Variants in SUGP1 observed in about 807,000 individuals in gnomAD.
SUGP1 encodes SURP and G-patch domain-containing protein 1.
Under a neutral mutation model 76.5 loss-of-function variants are expected in SUGP1, and 34 were observed. The observed-to-expected ratio is 0.44, with a 90% CI of 0.34 to 0.59. The LOEUF (loss-of-function observed/expected upper bound fraction) is 0.59, where lower values mean the gene tolerates loss of function less well. SUGP1 is among the 20% of genes least tolerant of loss of function. SUGP1 has a pLI of 0.01. For synonymous variants in SUGP1, 326 were observed against 326.2 expected, an observed-to-expected ratio of 1.00 and a Z score of 0.01; for missense variants, 752 against 851.7, an observed-to-expected ratio of 0.88 and a Z score of 1.46.
intron 2 of SUGP1, among the ~76,000 whole-genome samples, chr19:19,314,313 A>G (rs1395092520): frequency 6.6e-6 from 1 of 151,732 alleles, no homozygotes; most frequent in Admixed American, 6.6e-5. Context: ...ACAGAGCAAG[A>G]CTCGTCTCAA....
chr19:19,288,835 G>C, intron 8 of SUGP1, among the ~76,000 whole-genome samples: 1 of 152,006 alleles, frequency 6.6e-6, no homozygotes, highest in East Asian at 1.9e-4. Context: ...ACCTGGGCTG[G>C]AGTGCAGTGG....
chr19:19,305,632 A>T, intron 4 of SUGP1: 1 of 469,536 alleles, frequency 2.1e-6, no homozygotes, highest in Non-Finnish European at 3.8e-6. Context: ...CCCAAGATGA[A>T]GCCCACGCGC....
chr19:19,278,954 T>A (rs917272816), intron 10 of SUGP1, among the ~76,000 whole-genome samples, 158 bp from the exon 11 acceptor site: 1 of 152,060 alleles, frequency 6.6e-6, no homozygotes, highest in Non-Finnish European at 1.5e-5. Context: ...CTCTGCCTGG[T>A]GAGGCAGCCC....
intron 9 of SUGP1, 95 bp downstream of exon 9, chr19:19,280,064 CCACCTGAACACAGGAGCTTGGCGAAG>C (rs931059101): frequency 2.1e-6 from 2 of 974,272 alleles, no homozygotes; most frequent in African/African-American, 3.2e-5. Flanking sequence ...GCCATGGGTT[CCACCTGAACACAGGAGCTTGGCGAAG>C]CACATGAACC....
chr19:19,289,608 T>A (rs1304456035), intron 8 of SUGP1, among the ~76,000 whole-genome samples: 1 of 151,312 alleles, frequency 6.6e-6, no homozygotes, highest in East Asian at 1.9e-4. Flanking sequence ...ATTAGCAGGG[T>A]GTGGTTGCAG....
At position 19,278,753 on chromosome 19, in the gene SUGP1, G is replaced by A. The variant is rs761330265; in HGVS notation, c.1572C>T (p.Phe524=). The A allele has an allele frequency of 6.2e-7, 1 of 1,614,088 alleles. No individual in the cohort carries two copies. The highest frequency in any genetic ancestry group is 8.5e-7 in the Non-Finnish European group (1 of 1,179,984). The change falls in exon 11 of 14, where the codon TTC becomes TTT. Residue 524 remains phenylalanine (F), a synonymous_variant. Transcript: ENST00000247001. Reference sequence around the variant, plus strand: ...CGTCTGGAGGCAGGAAGTCTCCGATGAAGTGCTTGCCCCGGCCCATCTTTG... The same window carrying A: ...CGTCTGGAGGCAGGAAGTCTCCGATAAAGTGCTTGCCCCGGCCCATCTTTG... ...QLTKMGRGKH[F]IGDFLPPDEL...
chr19:19,282,194 G>A (rs1239244516), intron 8 of SUGP1, among the ~76,000 whole-genome samples: 2 of 152,072 alleles, frequency 1.3e-5, no homozygotes, highest in African/African-American at 4.8e-5. Flanking sequence ...TAGTCAGGCT[G>A]GTCTTGAACT....
At chr19:19,280,787 A>AG (rs2061092675) in intron 8 of SUGP1, 2 of 153,396 alleles carry the variant, frequency 1.3e-5, no homozygotes, top group East Asian at 3.8e-4. Flanking sequence ...CCTTCAGGGG[A>AG]GGCAGCCAAC....
Position 19,277,029 on chromosome 19 carries a change from G to T in SUGP1, c.1829C>A (p.Ala610Glu). The T allele has an allele frequency of 6.2e-7, 1 of 1,611,946 alleles. No individual in the cohort carries two copies. Among genetic ancestry groups the T allele is most frequent in the African/African-American group, 1.3e-5 (1 of 75,012 alleles). Reference protein sequence around the residue: ...DGAGFGIDRPAELSKEDDEYE... With the variant: ...DGAGFGIDRPEELSKEDDEYE... Reference sequence around the variant, plus strand: ...CTCGTCGTCCTCCTTGGAGAGCTCCGCCGGCCGGTCAATGCCGAAGCCAGC... The same window carrying T: ...CTCGTCGTCCTCCTTGGAGAGCTCCTCCGGCCGGTCAATGCCGAAGCCAGC... The change falls in exon 13 of 14, where the codon GCG becomes GAG. Residue 610 changes from alanine to glutamate, a missense_variant. Physicochemically the swap from Ala to Glu is moderately radical, Grantham distance 107 (BLOSUM62 -1). Coordinates refer to ENST00000247001, the MANE Select transcript of SUGP1 (RefSeq NM_172231.4).
At chr19:19,302,217 G>A (rs1217862038) in intron 7 of SUGP1, 48 bp downstream of exon 7, 1 of 1,609,568 alleles carries the variant, frequency 6.2e-7, no homozygotes, top group African/African-American at 1.3e-5. Context: ...CCCTGCAGGG[G>A]GACTGTGGCC....
At position 19,314,323 on chromosome 19, in the gene SUGP1, AAAAT is replaced by A. The variant is rs201351491; in HGVS notation, c.206+2095_206+2098del. Reference sequence around the variant, plus strand: ...GTGTGACAGAGCAAGACTCGTCTCAAAAATAAATAAATTAATTAATTAAATAAAA... The same window carrying A: ...GTGTGACAGAGCAAGACTCGTCTCAAAAATAAATTAATTAATTAAATAAAA... On this transcript the variant is annotated intron_variant, in intron 2 of 13. Coordinates refer to ENST00000247001, the MANE Select transcript of SUGP1 (RefSeq NM_172231.4). 1.3e-4 allele frequency among the ~76,000 whole-genome samples: 20 copies of A among 151,828 alleles called. No individual in the cohort carries two copies. In the East Asian group the frequency reaches 3.9e-3, roughly 29 times the overall value.
rs922806185 is a variant in SUGP1, at chr19:19,297,005, A to G, written c.1227T>C (p.Ser409=). 3.8e-6 allele frequency: 6 copies of G among 1,582,288 alleles called. No individual in the cohort carries two copies. In the African/African-American group the frequency reaches 8.1e-5, roughly 21 times the overall value. ...TCTGCCCACCTGACAGAGGCGAGGG[A>G]GAGGCATCCACGTCCCTCTGCACCA... ...AELVQRDVDA[S]PSPLSVQDLK... is the part of the protein sequence containing the mutation. The change falls in exon 8 of 14, where the codon TCT becomes TCC. Residue 409 remains serine, a synonymous_variant. Transcript: ENST00000247001.
At position 19,279,355 on chromosome 19, in the gene SUGP1, C is replaced by T. The variant is rs776276943; in HGVS notation, c.1386G>A (p.Lys462=). The change falls in exon 10 of 14, where the codon AAG becomes AAA. Residue 462 remains lysine (K), a synonymous_variant. Coordinates refer to ENST00000247001, the MANE Select transcript of SUGP1 (RefSeq NM_172231.4). ...QQMYDMIMQH[K]RAMQDMQLLW... Reference sequence around the variant, plus strand: ...GCAGCTGCATGTCCTGCATGGCCCGCTTGTGCTGCATGATCATGTCGTACA... The same window carrying T: ...GCAGCTGCATGTCCTGCATGGCCCGTTTGTGCTGCATGATCATGTCGTACA... 6.2e-7 allele frequency: 1 copy of T among 1,609,678 alleles called. No homozygotes were observed. The highest frequency in any genetic ancestry group is 1.1e-5 in the South Asian group (1 of 90,788).
intron 8 of SUGP1, among the ~76,000 whole-genome samples, chr19:19,288,848 C>T (rs369247406): frequency 1.1e-4 from 16 of 152,106 alleles, no homozygotes; most frequent in South Asian, 4.1e-4. Context: ...TGCAGTGGCG[C>T]GATCTCAGCT....
chr19:19,294,506 G>C (rs1299294175), intron 8 of SUGP1, among the ~76,000 whole-genome samples: 1 of 90,858 alleles, frequency 1.1e-5, no homozygotes, highest in African/African-American at 5.7e-5. Context: ...GACAGAGTGA[G>C]ACTCAAAAAA....
At chr19:19,282,544 G>A (rs2061106559) in intron 8 of SUGP1, among the ~76,000 whole-genome samples, 2 of 151,734 alleles carry the variant, frequency 1.3e-5, no homozygotes, top group African/African-American at 4.8e-5. Flanking sequence ...ATTAGGCGCC[G>A]TTACCAATGT....
At position 19,277,097 on chromosome 19, in the gene SUGP1, G is replaced by A. The variant is rs373855507; in HGVS notation, c.1782-21C>T. On this transcript the variant is annotated intron_variant, in intron 12 of 13. Coordinates refer to ENST00000247001, the MANE Select transcript of SUGP1 (RefSeq NM_172231.4). Reference sequence around the variant, plus strand: ...TGCCCCTACAGGGAGAAGAGGATGTGAGCAGGGACCTGGGGCCAGAACTCT... The same window carrying A: ...TGCCCCTACAGGGAGAAGAGGATGTAAGCAGGGACCTGGGGCCAGAACTCT... 6.9e-6 allele frequency: 11 copies of A among 1,601,090 alleles called. No homozygotes were observed. In the African/African-American group the frequency reaches 1.3e-4, roughly 19 times the overall value.
At chr19:19,307,615 T>C (rs1193512219) in intron 3 of SUGP1, among the ~76,000 whole-genome samples, 2 of 152,034 alleles carry the variant, frequency 1.3e-5, no homozygotes, top group Non-Finnish European at 2.9e-5. Context: ...AGTTACTTCC[T>C]GTAAGAAAGG....
At position 19,306,051 on chromosome 19, in the gene SUGP1, G is replaced by T. The variant is rs957535018; in HGVS notation, c.336C>A (p.Ala112=). 22 of 1,606,138 alleles carry T rather than the reference G, an allele frequency of 1.4e-5. No homozygotes were observed. Among genetic ancestry groups the T allele is most frequent in the Non-Finnish European group, 1.8e-5 (21 of 1,176,422 alleles). Residue 112 remains alanine (A), a synonymous_variant, in exon 4 of 14, where the codon GCC becomes GCA. Coordinates refer to ENST00000247001, the MANE Select transcript of SUGP1 (RefSeq NM_172231.4). ...STDAPTSAPS[A]PPSTPTPSAG... ...CGCTGGGGGTGGGTGTGCTGGGAGG[G>T]GCGCTGGGCGCACTGGTCGGGGCGT...
Sources: gnomAD v4.1 joint callset for allele counts (sites outside exome capture counted in the v4.1 genomes callset) on GRCh38, gnomAD v4.1.1 for gene constraint, MANE v1.5 for transcripts, NCBI Gene and HGNC (gene_info 2026-07-23, HGNC 2026-07-21) for gene names.